The following MYO10 variants were observed in gnomAD, a reference collection of about 807,000 sequenced individuals.
The protein encoded by MYO10 is myosin X, also known as unconventional myosin-X.
Under a neutral mutation model 257.3 loss-of-function variants are expected in MYO10, and 133 were observed. That is an observed-to-expected ratio of 0.52 (90% CI 0.45 to 0.60). The LOEUF (loss-of-function observed/expected upper bound fraction) is 0.60. MYO10 is among the 20% of genes least tolerant of loss of function. The pLI is 0.00. For missense variants in MYO10, 2,399 were observed against 2,635.7 expected (o/e 0.91, Z 1.97); for synonymous variants, 1,104 against 1,028.6 (o/e 1.07, Z -1.40).
At chr5:16,740,688 C>CT (rs1038270898) in intron 19 of MYO10, among the ~76,000 whole-genome samples, 1 of 152,116 alleles carries the variant, frequency 6.6e-6, no homozygotes, top group African/African-American at 2.4e-5. Context: ...TTCCAGCCCT[C>CT]TCGCAAGCAG....
intron 4 of MYO10, among the ~76,000 whole-genome samples, chr5:16,785,391 C>T: frequency 6.6e-6 from 1 of 152,176 alleles, no homozygotes; most frequent in Admixed American, 6.5e-5. Context: ...AATCATCTTC[C>T]ATATTTAAAA....
intron 18 of MYO10, among the ~76,000 whole-genome samples, chr5:16,757,005 G>C (rs1740546916): frequency 6.6e-6 from 1 of 151,606 alleles, no homozygotes; most frequent in Admixed American, 6.6e-5. Flanking sequence ...TCTAGTCCCA[G>C]CTACTTGGGA....
At position 16,685,820 on chromosome 5, in the gene MYO10, C is replaced by A; in HGVS notation, c.3908G>T (p.Ser1303Ile). 1 of 1,595,284 alleles carries A rather than the reference C, an allele frequency of 6.3e-7. No individual in the cohort carries two copies. The change falls in exon 29 of 41, where the codon AGC becomes ATC. Residue 1303 changes from serine (S) to isoleucine (I), a missense_variant. By Grantham distance (142) the Ser-to-Ile change is moderately radical. Coordinates refer to ENST00000513610, the MANE Select transcript of MYO10 (RefSeq NM_012334.3). Reference sequence around the variant, plus strand: ...GGACGCGTGGACCTGACTCAGCACGCTGAACCACTGGCTGTGGGGAAGAGA... The same window carrying A: ...GGACGCGTGGACCTGACTCAGCACGATGAACCACTGGCTGTGGGGAAGAGA... The part of the protein sequence containing the change: ...ESPEDASQWF[S>I]VLSQVHASTD...
intron 19 of MYO10, among the ~76,000 whole-genome samples, chr5:16,754,096 T>G (rs1160597396): frequency 6.6e-6 from 1 of 152,160 alleles, no homozygotes; most frequent in African/African-American, 2.4e-5. Context: ...TTGTAGGGGT[T>G]TTCTCACATA....
At chr5:16,746,111 A>T (rs1225344927) in intron 19 of MYO10, among the ~76,000 whole-genome samples, 1 of 152,188 alleles carries the variant, frequency 6.6e-6, no homozygotes, top group Non-Finnish European at 1.5e-5. Flanking sequence ...TTTCTTGATG[A>T]TATGCTAAAC....
At chr5:16,845,875 A>C (rs1381616398) in intron 2 of MYO10, among the ~76,000 whole-genome samples, 1 of 152,060 alleles carries the variant, frequency 6.6e-6, no homozygotes, top group African/African-American at 2.4e-5. Flanking sequence ...GAGGCAGGAG[A>C]ATCACTTGAA....
At chr5:16,785,696 C>A (rs929698193) in intron 4 of MYO10, among the ~76,000 whole-genome samples, 1 of 152,040 alleles carries the variant, frequency 6.6e-6, no homozygotes, top group Admixed American at 6.6e-5. Flanking sequence ...ATGGTGAAAC[C>A]CTGTCTCTAC....
chr5:16,676,742 G>C (rs1179461963), intron 33 of MYO10, among the ~76,000 whole-genome samples: 1 of 152,130 alleles, frequency 6.6e-6, no homozygotes. Context: ...TGGGCACAGT[G>C]GCTCATGCCT....
chr5:16,769,046 C>T (rs755491729), intron 10 of MYO10, 28 bp downstream of exon 10: 23 of 1,581,516 alleles, frequency 1.5e-5, no homozygotes, highest in African/African-American at 6.8e-5. Flanking sequence ...ACAAAGGGAG[C>T]GAGGAGGGCA....
At chr5:16,736,478 G>A (rs2126625433) in intron 19 of MYO10, among the ~76,000 whole-genome samples, 1 of 152,298 alleles carries the variant, frequency 6.6e-6, no homozygotes, top group African/African-American at 2.4e-5. Context: ...CTTTGTTCCT[G>A]CATGCTCACA....
chr5:16,810,074 C>G (rs1189182735), intron 3 of MYO10, among the ~76,000 whole-genome samples: 2 of 152,208 alleles, frequency 1.3e-5, no homozygotes, highest in African/African-American at 4.8e-5. Flanking sequence ...AGCCCTTCCA[C>G]TCTGGCCACT....
chr5:16,711,330 T>C (rs909953682), intron 19 of MYO10, 85 bp from the exon 20 acceptor site: 112 of 1,401,832 alleles, frequency 8.0e-5, no homozygotes, highest in Non-Finnish European at 1.0e-4. Context: ...ACCTCCATCA[T>C]TGGTTTACCC....
intron 2 of MYO10, among the ~76,000 whole-genome samples, chr5:16,836,715 T>G (rs549614609): frequency 1.3e-5 from 2 of 152,344 alleles, no homozygotes; most frequent in South Asian, 4.2e-4. Flanking sequence ...TTTATGCCTT[T>G]TAAATATATA....
chr5:16,901,930 A>T (rs756672935), intron 1 of MYO10, among the ~76,000 whole-genome samples: 1 of 152,246 alleles, frequency 6.6e-6, no homozygotes, highest in African/African-American at 2.4e-5. Context: ...TCTGATTTTG[A>T]GAAGCTGTTT....
intron 19 of MYO10, among the ~76,000 whole-genome samples, chr5:16,736,218 A>C (rs182878851): frequency 1.4e-4 from 22 of 152,318 alleles, no homozygotes; most frequent in African/African-American, 5.3e-4. Context: ...AGGCAAGGTG[A>C]GAAGTGGAGA....
chr5:16,758,499 T>C (rs1424455233), intron 17 of MYO10, among the ~76,000 whole-genome samples: 1 of 152,236 alleles, frequency 6.6e-6, no homozygotes, highest in Non-Finnish European at 1.5e-5. Flanking sequence ...AGGAGCTCTG[T>C]GCTTTCTGGA....
intron 2 of MYO10, among the ~76,000 whole-genome samples, chr5:16,862,532 G>A (rs541046753): frequency 3.9e-5 from 6 of 152,080 alleles, no homozygotes; most frequent in African/African-American, 1.4e-4. Flanking sequence ...CAAGGCCTTC[G>A]CATTTTTCAC....
chr5:16,699,282 A>T (rs763767210), intron 26 of MYO10, among the ~76,000 whole-genome samples, 168 bp downstream of exon 26: 4 of 152,050 alleles, frequency 2.6e-5, no homozygotes, highest in African/African-American at 9.7e-5. Flanking sequence ...TCATTCATCT[A>T]AGTGGCCCAA....
At chr5:16,792,590 CGGGGG>C (rs55727978) in intron 4 of MYO10, among the ~76,000 whole-genome samples, 1 of 114,620 alleles carries the variant, frequency 8.7e-6, no homozygotes, top group African/African-American at 4.7e-5. Flanking sequence ...GAGCGGGGGG[CGGGGG>C]GCTGCTCTAA....
Sources: gnomAD v4.1 joint callset for allele counts (sites outside exome capture counted in the v4.1 genomes callset) on GRCh38, gnomAD v4.1.1 for gene constraint, MANE v1.5 for transcripts, NCBI Gene and HGNC (gene_info 2026-07-23, HGNC 2026-07-21) for gene names.